The following ITPR2 variants were observed in gnomAD, a reference collection of about 807,000 sequenced individuals.
ITPR2 encodes inositol 1,4,5-trisphosphate receptor type 2, also known as inositol 1,4,5-trisphosphate-gated calcium channel ITPR2.
Under a neutral mutation model 317.1 loss-of-function variants are expected in ITPR2, and 207 were observed. The ratio of observed to expected loss-of-function variants is 0.65; its 90% CI spans 0.58 to 0.73. The LOEUF is 0.73. Ranked by LOEUF, ITPR2 falls within the 30% of genes least tolerant of loss-of-function variation. The pLI is 0.00. For synonymous variants in ITPR2, 1,156 were observed against 1,149.1 expected, an observed-to-expected ratio of 1.01 and a Z score of -0.12; for missense variants, 2,613 against 3,284.0, an observed-to-expected ratio of 0.80 and a Z score of 4.99.
intron 22 of ITPR2, among the ~76,000 whole-genome samples, chr12:26,629,510 C>G (rs957887499): frequency 1.3e-5 from 2 of 151,804 alleles, no homozygotes; most frequent in African/African-American, 4.8e-5. Context: ...CATTTGAACC[C>G]ACGACCTCAA....
At chr12:26,682,852 T>G (rs990961685) in intron 11 of ITPR2, among the ~76,000 whole-genome samples, 179 bp from the exon 12 acceptor site, 3 of 152,222 alleles carry the variant, frequency 2.0e-5, no homozygotes, top group Non-Finnish European at 2.9e-5. Flanking sequence ...GCATGCAGCA[T>G]TTTTACCTAG....
chr12:26,374,696 G>A (rs1939287232), intron 55 of ITPR2, among the ~76,000 whole-genome samples: 2 of 152,326 alleles, frequency 1.3e-5, no homozygotes, highest in South Asian at 4.1e-4. Flanking sequence ...TCCTAGTAAA[G>A]GGGAGTACAG....
At chr12:26,531,642 GT>G (rs1943945772) in intron 37 of ITPR2, among the ~76,000 whole-genome samples, 1 of 135,766 alleles carries the variant, frequency 7.4e-6, no homozygotes, top group African/African-American at 2.7e-5. Context: ...TAAGCTTCAT[GT>G]TTACTGTATT....
At chr12:26,673,725 T>C (rs1421345279) in intron 13 of ITPR2, among the ~76,000 whole-genome samples, 1 of 150,716 alleles carries the variant, frequency 6.6e-6, no homozygotes, top group South Asian at 2.1e-4. Flanking sequence ...AAATAAAGGG[T>C]ATTCAATTAG....
chr12:26,618,257 GA>G (rs141319105), intron 26 of ITPR2, among the ~76,000 whole-genome samples: 3 of 151,250 alleles, frequency 2.0e-5, no homozygotes, highest in African/African-American at 7.3e-5. Flanking sequence ...AGTAAAGCAA[GA>G]AAAAAAAGAA....
rs185861751 is a variant in ITPR2, at chr12:26,608,070, G to A, written c.3463-5364C>T. Among the ~76,000 whole-genome samples the A allele has an allele frequency of 8.6e-3, 1,304 of 152,192 alleles. 22 individuals are homozygous for A. Among genetic ancestry groups the A allele is most frequent in the African/African-American group, 0.03 (1,233 of 41,500 alleles). ...CGGGAGGTGGAGCTTGCAGTGAGCC[G>A]AGATCGTGCCACTGCACTCCAGCCT... On this transcript the variant is annotated intron_variant, in intron 26 of 56. Coordinates refer to ENST00000381340, the MANE Select transcript of ITPR2 (RefSeq NM_002223.4).
chr12:26,427,840 A>C, intron 49 of ITPR2, 73 bp downstream of exon 49: 1 of 991,358 alleles, frequency 1.0e-6, no homozygotes, highest in African/African-American at 1.7e-5. Context: ...TTAAAAGCTT[A>C]TAGTTATATT....
Position 26,832,827 on chromosome 12 carries a change from C to T in ITPR2, c.-46G>A. 2 of 1,437,864 alleles carry T rather than the reference C, an allele frequency of 1.4e-6. No individual in the cohort carries two copies. Among genetic ancestry groups the T allele is most frequent in the Non-Finnish European group, 1.9e-6 (2 of 1,030,182 alleles). 89.1% of individuals were successfully genotyped at this position (1,437,864 alleles called of 1,614,324 possible). ...GGACGTCCCTCTTCTTCCCTGCGCC[C>T]TCGCCGCCCTCTCTCCAGGGAGCCG... On this transcript the variant is annotated 5_prime_UTR_variant, in exon 1 of 57. Coordinates refer to ENST00000381340, the MANE Select transcript of ITPR2 (RefSeq NM_002223.4).
intron 13 of ITPR2, among the ~76,000 whole-genome samples, chr12:26,672,106 T>C (rs908205957): frequency 1.3e-5 from 2 of 152,162 alleles, no homozygotes; most frequent in African/African-American, 2.4e-5. Context: ...TAATGGGAGA[T>C]GTTAACACCC....
intron 24 of ITPR2, among the ~76,000 whole-genome samples, 195 bp downstream of exon 24, chr12:26,624,104 T>C (rs1239506544): frequency 6.6e-6 from 1 of 152,200 alleles, no homozygotes; most frequent in African/African-American, 2.4e-5. Flanking sequence ...GTCCTTTTTT[T>C]TACCTGACCT....
At chr12:26,515,685 G>C (rs866211122) in intron 37 of ITPR2, among the ~76,000 whole-genome samples, 1 of 151,978 alleles carries the variant, frequency 6.6e-6, no homozygotes, top group East Asian at 1.9e-4. Context: ...CCACATGGCC[G>C]AGCCGCATCC....
intron 45 of ITPR2, among the ~76,000 whole-genome samples, chr12:26,474,568 C>T (rs1300163466): frequency 6.6e-6 from 1 of 151,728 alleles, no homozygotes; most frequent in East Asian, 1.9e-4. Context: ...CCGAGGCGGG[C>T]GGATCACGAG....
At chr12:26,617,234 C>G (rs749785403) in intron 26 of ITPR2, among the ~76,000 whole-genome samples, 1 of 151,784 alleles carries the variant, frequency 6.6e-6, no homozygotes. Flanking sequence ...GCAAAACATA[C>G]AAAGAATGAA....
chr12:26,523,859 G>A (rs1292948940), intron 37 of ITPR2, among the ~76,000 whole-genome samples: 1 of 152,198 alleles, frequency 6.6e-6, no homozygotes, highest in East Asian at 1.9e-4. Context: ...GTCTCCAGTG[G>A]AGCACAGTGC....
At chr12:26,411,152 G>C (rs1438234387) in intron 52 of ITPR2, 168 bp downstream of exon 52, 2 of 567,920 alleles carry the variant, frequency 3.5e-6, no homozygotes, top group East Asian at 6.0e-5. Flanking sequence ...AATGACCAAT[G>C]TGGGAATCCT....
chr12:26,708,644 G>A (rs1948597087), intron 9 of ITPR2, among the ~76,000 whole-genome samples: 1 of 152,082 alleles, frequency 6.6e-6, no homozygotes, highest in Admixed American at 6.6e-5. Context: ...GTGATTAATG[G>A]GTACAAAAAT....
intron 2 of ITPR2, among the ~76,000 whole-genome samples, chr12:26,752,710 G>A (rs79670670): frequency 0.061 from 9,299 of 152,064 alleles, 670 homozygotes; most frequent in African/African-American, 0.18. Context: ...TTCACTTTAC[G>A]GACTCGCCCT....
intron 37 of ITPR2, among the ~76,000 whole-genome samples, chr12:26,527,968 T>C (rs1943850357): frequency 6.6e-6 from 1 of 152,304 alleles, no homozygotes; most frequent in South Asian, 2.1e-4. Flanking sequence ...GCGCCTTATG[T>C]GACTGGTGGT....
intron 37 of ITPR2, among the ~76,000 whole-genome samples, chr12:26,538,610 T>C: frequency 6.6e-6 from 1 of 152,018 alleles, no homozygotes; most frequent in African/African-American, 2.4e-5. Context: ...AGAATCTCAC[T>C]CTGTCACCGA....
Sources: gnomAD v4.1 joint callset for allele counts (sites outside exome capture counted in the v4.1 genomes callset) on GRCh38, gnomAD v4.1.1 for gene constraint, MANE v1.5 for transcripts, NCBI Gene and HGNC (gene_info 2026-07-23, HGNC 2026-07-21) for gene names.